Variants in NSMCE2 observed in about 807,000 individuals in gnomAD.
The protein encoded by NSMCE2 is E3 SUMO-protein ligase NSE2.
NSMCE2 carries 24 observed loss-of-function variants against 23.8 expected under a neutral mutation model. The ratio of observed to expected loss-of-function variants is 1.01; its 90% CI spans 0.73 to 1.42. The LOEUF (loss-of-function observed/expected upper bound fraction) is 1.42. Ranked by LOEUF, NSMCE2 falls within the 40% of genes most tolerant of loss-of-function variation. The pLI is 0.00. For missense variants in NSMCE2, 284 were observed against 296.5 expected, an observed-to-expected ratio of 0.96 and a Z score of 0.31; for synonymous variants, 92 against 94.1, an observed-to-expected ratio of 0.98 and a Z score of 0.13.
chr8:125,357,840 A>C, intron 7 of NSMCE2, 22 bp downstream of exon 7: 2 of 1,501,652 alleles, frequency 1.3e-6, no homozygotes, highest in Admixed American at 1.7e-5. Flanking sequence ...CAGGGAAGGA[A>C]GTGGAGCCTT....
intron 5 of NSMCE2, among the ~76,000 whole-genome samples, chr8:125,271,946 A>G (rs111293055): frequency 0.08 from 12,140 of 151,496 alleles, 636 homozygotes; most frequent in South Asian, 0.19. Context: ...ACCCAGAGAT[A>G]TTCGGTGACT....
At chr8:125,180,700 C>G (rs1346161101) in intron 4 of NSMCE2, among the ~76,000 whole-genome samples, 1 of 152,110 alleles carries the variant, frequency 6.6e-6, no homozygotes, top group Non-Finnish European at 1.5e-5. Context: ...CTTTCTAAAT[C>G]ATTTTATTTA....
intron 5 of NSMCE2, among the ~76,000 whole-genome samples, chr8:125,271,467 G>A (rs1339011936): frequency 1.3e-5 from 2 of 152,082 alleles, no homozygotes; most frequent in Non-Finnish European, 2.9e-5. Context: ...GATAAGTTTC[G>A]GCTTAAATAC....
chr8:125,283,151 A>G (rs972084908), intron 5 of NSMCE2, among the ~76,000 whole-genome samples: 1 of 152,242 alleles, frequency 6.6e-6, no homozygotes, highest in Non-Finnish European at 1.5e-5. Context: ...ACAACCTTCT[A>G]TATAAAGCTC....
At chr8:125,356,939 G>C (rs1033217313) in intron 5 of NSMCE2, among the ~76,000 whole-genome samples, 1 of 152,130 alleles carries the variant, frequency 6.6e-6, no homozygotes, top group African/African-American at 2.4e-5. Context: ...TCACCAGGTC[G>C]GTTCTCTGAC....
chr8:125,242,391 G>A (rs1825797629), intron 5 of NSMCE2, among the ~76,000 whole-genome samples: 1 of 152,142 alleles, frequency 6.6e-6, no homozygotes, highest in South Asian at 2.1e-4. Flanking sequence ...GCTTACATAT[G>A]AGACACCACA....
intron 3 of NSMCE2, among the ~76,000 whole-genome samples, chr8:125,140,474 C>T (rs1466187064): frequency 6.6e-6 from 1 of 152,134 alleles, no homozygotes; most frequent in Middle Eastern, 3.4e-3. Flanking sequence ...ACCAGCCTGG[C>T]CAACATGGTG....
chr8:125,288,695 G>C (rs1827990611), intron 5 of NSMCE2, among the ~76,000 whole-genome samples: 2 of 152,148 alleles, frequency 1.3e-5, no homozygotes, highest in Non-Finnish European at 2.9e-5. Flanking sequence ...TTCTATGCAT[G>C]TGTCTTTCTT....
chr8:125,314,220 A>G (rs764744711), intron 5 of NSMCE2, among the ~76,000 whole-genome samples: 1 of 152,212 alleles, frequency 6.6e-6, no homozygotes, highest in Non-Finnish European at 1.5e-5. Flanking sequence ...CCCATAAATC[A>G]GTAATGTGCT....
At chr8:125,105,694 G>A (rs1483175479) in intron 3 of NSMCE2, among the ~76,000 whole-genome samples, 2 of 152,174 alleles carry the variant, frequency 1.3e-5, no homozygotes, top group African/African-American at 4.8e-5. Context: ...ACCCACCATA[G>A]ATGGTACGTA....
intron 5 of NSMCE2, among the ~76,000 whole-genome samples, chr8:125,240,602 C>T (rs1272007453): frequency 6.6e-6 from 1 of 152,218 alleles, no homozygotes; most frequent in Non-Finnish European, 1.5e-5. Flanking sequence ...CTTCAATCTT[C>T]CTGCAGCCCT....
intron 4 of NSMCE2, among the ~76,000 whole-genome samples, chr8:125,165,202 C>T (rs917181162): frequency 6.6e-6 from 1 of 152,158 alleles, no homozygotes; most frequent in Non-Finnish European, 1.5e-5. Context: ...AGGGCTGTGG[C>T]AAGGATTAAA....
At chr8:125,250,135 A>G (rs1242715078) in intron 5 of NSMCE2, among the ~76,000 whole-genome samples, 1 of 152,050 alleles carries the variant, frequency 6.6e-6, no homozygotes, top group African/African-American at 2.4e-5. Flanking sequence ...TACTACAGTC[A>G]TGCACCACCA....
At chr8:125,253,885 T>C (rs916712522) in intron 5 of NSMCE2, among the ~76,000 whole-genome samples, 6 of 152,338 alleles carry the variant, frequency 3.9e-5, no homozygotes, top group African/African-American at 1.4e-4. Flanking sequence ...CTACCACATA[T>C]GCAGTTAAAT....
intron 5 of NSMCE2, among the ~76,000 whole-genome samples, chr8:125,190,670 A>G (rs1229670320): frequency 6.6e-6 from 1 of 152,200 alleles, no homozygotes; most frequent in African/African-American, 2.4e-5. Flanking sequence ...ATTGTATAGT[A>G]AAAGCACTCA....
rs147198314 is a variant in NSMCE2, at chr8:125,106,722, G to A, written c.157+4235G>A. Among the ~76,000 whole-genome samples the A allele has an allele frequency of 3.4e-4, 51 of 150,812 alleles. No homozygotes were observed. The East Asian group carries it at 8.0e-3, about 24-fold the overall frequency. ...CAAACAACTTTCATTTTGGCCGGGT[G>A]CTGTGGCTCACACTTGTAATCCTAG... On this transcript the variant is annotated intron_variant, in intron 3 of 7. Coordinates refer to ENST00000287437, the MANE Select transcript of NSMCE2 (RefSeq NM_173685.4).
At chr8:125,135,900 C>T (rs557995815) in intron 3 of NSMCE2, among the ~76,000 whole-genome samples, 11 of 152,272 alleles carry the variant, frequency 7.2e-5, no homozygotes, top group African/African-American at 2.6e-4. Flanking sequence ...CTTTGCATTT[C>T]CATGTGAATT....
intron 5 of NSMCE2, among the ~76,000 whole-genome samples, chr8:125,243,451 C>A (rs940820485): frequency 1.3e-5 from 2 of 151,780 alleles, no homozygotes; most frequent in African/African-American, 4.8e-5. Context: ...TTGTGAGCAA[C>A]CATAGCAAAT....
intron 5 of NSMCE2, among the ~76,000 whole-genome samples, chr8:125,217,645 C>T (rs998064716): frequency 2.0e-5 from 3 of 152,090 alleles, no homozygotes; most frequent in Admixed American, 6.6e-5. Context: ...GGATTACAGG[C>T]GTGAGCCACC....
Sources: allele counts gnomAD v4.1 joint callset (sites outside exome capture counted in the v4.1 genomes callset), GRCh38; gene constraint gnomAD v4.1.1; transcripts MANE v1.5; gene names NCBI Gene and HGNC (gene_info 2026-07-23, HGNC 2026-07-21).